Variants in EXT2 observed in about 807,000 individuals in gnomAD.
The protein encoded by EXT2 is exostosin-2.
Under a neutral mutation model 81.6 loss-of-function variants are expected in EXT2, and 53 were observed. The ratio of observed to expected loss-of-function variants is 0.65; its 90% CI spans 0.52 to 0.82. The LOEUF (loss-of-function observed/expected upper bound fraction) is 0.82. Ranked by LOEUF, EXT2 falls within the 40% of genes least tolerant of loss-of-function variation. The pLI, the probability that EXT2 is intolerant of heterozygous loss-of-function variation, is 0.00. For synonymous variants in EXT2, 320 were observed against 340.0 expected (o/e 0.94, Z 0.65); for missense variants, 774 against 910.2 (o/e 0.85, Z 1.93).
At chr11:44,211,318 G>A (rs1454457670) in intron 10 of EXT2, among the ~76,000 whole-genome samples, 1 of 152,202 alleles carries the variant, frequency 6.6e-6, no homozygotes. Flanking sequence ...TGAAGAGATA[G>A]CTGCACTCTC....
chr11:44,126,758 A>G, intron 5 of EXT2, 58 bp from the exon 6 acceptor site: 8 of 1,613,104 alleles, frequency 5.0e-6, no homozygotes, highest in Non-Finnish European at 5.9e-6. Context: ...TGTAGGGATC[A>G]AAGTTAGTGG....
chr11:44,112,203 A>G (rs1051811469), intron 3 of EXT2, among the ~76,000 whole-genome samples: 6 of 152,208 alleles, frequency 3.9e-5, no homozygotes, highest in Non-Finnish European at 5.9e-5. Context: ...GTGAGAAAAC[A>G]TGCAGAACAC....
chr11:44,228,196 A>AT (rs1955859175), intron 10 of EXT2, among the ~76,000 whole-genome samples: 2 of 152,182 alleles, frequency 1.3e-5, no homozygotes, highest in Non-Finnish European at 2.9e-5. Flanking sequence ...GGCACTATAT[A>AT]TATGGAGGAT....
At chr11:44,189,256 G>A (rs1400036719) in intron 8 of EXT2, among the ~76,000 whole-genome samples, 3 of 152,136 alleles carry the variant, frequency 2.0e-5, no homozygotes, top group Non-Finnish European at 4.4e-5. Context: ...CTTAGTTGAA[G>A]CCTTAAGAGG....
intron 1 of EXT2, chr11:44,103,571 A>T: frequency 2.6e-6 from 1 of 390,150 alleles, no homozygotes; most frequent in Admixed American, 3.8e-5. Flanking sequence ...TTTTTTTCTG[A>T]ACTCTGGAAT....
At chr11:44,181,461 GTTTTCTC>G in intron 8 of EXT2, among the ~76,000 whole-genome samples, 1 of 152,102 alleles carries the variant, frequency 6.6e-6, no homozygotes, top group South Asian at 2.1e-4. Context: ...TTATTTTTCT[GTTTTCTC>G]TTTTCTTTAT....
chr11:44,115,466 C>A (rs542131754), intron 4 of EXT2, among the ~76,000 whole-genome samples: 1 of 152,064 alleles, frequency 6.6e-6, no homozygotes, highest in African/African-American at 2.4e-5. Context: ...ATGGATGTAA[C>A]CTTTTTTTTT....
intron 8 of EXT2, among the ~76,000 whole-genome samples, chr11:44,179,273 G>A (rs183913448): frequency 6.6e-6 from 1 of 152,300 alleles, no homozygotes; most frequent in East Asian, 1.9e-4. Flanking sequence ...ATAAACTAAT[G>A]TGCCTGTGTA....
At chr11:44,219,823 A>G (rs963867947) in intron 10 of EXT2, among the ~76,000 whole-genome samples, 2 of 152,226 alleles carry the variant, frequency 1.3e-5, no homozygotes, top group Non-Finnish European at 2.9e-5. Context: ...GGGCATCCCT[A>G]ACAGAGGAAC....
chr11:44,210,770 T>C (rs1426756365), intron 10 of EXT2, among the ~76,000 whole-genome samples: 4 of 152,210 alleles, frequency 2.6e-5, no homozygotes, highest in Admixed American at 2.0e-4. Flanking sequence ...GTGCCAGATA[T>C]GTTTAGTGAA....
chr11:44,118,857 T>C (rs1220823570), intron 4 of EXT2, among the ~76,000 whole-genome samples: 1 of 152,020 alleles, frequency 6.6e-6, no homozygotes, highest in South Asian at 2.1e-4. Context: ...GAAATAACTA[T>C]AAGTAGGGAA....
Position 44,108,087 on chromosome 11 carries a change from C to T in EXT2, c.375C>T (p.Thr125=). 1 of 1,614,170 alleles carries T rather than the reference C, an allele frequency of 6.2e-7. No homozygotes were observed. Among genetic ancestry groups the T allele is most frequent in the Non-Finnish European group, 8.5e-7 (1 of 1,180,022 alleles). ...VDDFGVSVSN[T]ISREYNELLM... ...ACTTTGGCGTCTCTGTCAGCAACAC[C>T]ATCTCCCGGGAGTATAATGAACTGC... The change falls in exon 2 of 14, where the codon ACC becomes ACT. Residue 125 remains threonine, a synonymous_variant. Transcript: ENST00000533608.
At chr11:44,200,302 C>CT (rs779080281) in intron 9 of EXT2, among the ~76,000 whole-genome samples, 206 of 141,626 alleles carry the variant, frequency 1.5e-3, no homozygotes, top group Middle Eastern at 3.7e-3. Flanking sequence ...CCCCTTCCCA[C>CT]TTTTTTTTTT....
At chr11:44,218,755 G>A (rs1955748606) in intron 10 of EXT2, among the ~76,000 whole-genome samples, 2 of 140,860 alleles carry the variant, frequency 1.4e-5, no homozygotes, top group African/African-American at 5.3e-5. Context: ...ATCTATATGT[G>A]TATTCAAGGA....
chr11:44,096,357 C>A (rs1405350671), intron 1 of EXT2: 11 of 1,525,400 alleles, frequency 7.2e-6, no homozygotes, highest in Non-Finnish European at 9.7e-6. Flanking sequence ...ATGCCGGGGA[C>A]TGGGTGGTCG....
rs1043712174 is a variant in EXT2 at position 44,153,078 on chromosome 11, A to C, written c.1174-18533A>C. 7.2e-5 allele frequency among the ~76,000 whole-genome samples: 11 copies of C among 152,304 alleles called. No individual in the cohort carries two copies. In the South Asian group the frequency reaches 1.9e-3, roughly 26 times the overall value. ...AATAACTTGCTGAGATTTTTACTGA[A>C]ATTTTGTTGAATCTATAATTCAAGT... On this transcript the variant is annotated intron_variant, in intron 7 of 13. Coordinates refer to ENST00000533608, the MANE Select transcript of EXT2 (RefSeq NM_207122.2).
intron 7 of EXT2, among the ~76,000 whole-genome samples, chr11:44,136,603 C>G (rs7108467): frequency 0.21 from 32,703 of 152,198 alleles, 3,884 homozygotes; most frequent in Middle Eastern, 0.29. Flanking sequence ...AGGTTTCACT[C>G]TAATTTCCAG....
intron 13 of EXT2, among the ~76,000 whole-genome samples, chr11:44,239,105 A>G (rs1956004200): frequency 6.6e-6 from 1 of 152,186 alleles, no homozygotes; most frequent in African/African-American, 2.4e-5. Context: ...TTAAATTACA[A>G]GAGATTTTTT....
At chr11:44,096,372 C>T (rs2134933553) in intron 1 of EXT2, 1 of 1,499,732 alleles carries the variant, frequency 6.7e-7, no homozygotes, top group Non-Finnish European at 8.9e-7. Flanking sequence ...TGGTCGGGGG[C>T]GTGTTAGGCC....
Sources: allele counts gnomAD v4.1 joint callset (sites outside exome capture counted in the v4.1 genomes callset), GRCh38; gene constraint gnomAD v4.1.1; transcripts MANE v1.5; gene names NCBI Gene and HGNC (gene_info 2026-07-23, HGNC 2026-07-21).